Variants in PSD3 observed in about 807,000 individuals in gnomAD.
PSD3 encodes pleckstrin and Sec7 domain containing 3.
Under a neutral mutation model 105.5 loss-of-function variants are expected in PSD3, and 49 were observed. The ratio of observed to expected loss-of-function variants is 0.46; its 90% CI spans 0.37 to 0.59. PSD3 has a LOEUF of 0.59. Among genes scored for constraint, PSD3 ranks in the 20% least tolerant of loss-of-function variants. The probability of loss-of-function intolerance (pLI) is 0.00; values close to 1 mark genes in which losing one functional copy is unlikely to be tolerated. For missense variants in PSD3, 1,561 were observed against 1,263.8 expected, an observed-to-expected ratio of 1.24 and a Z score of -3.57; for synonymous variants, 557 against 457.8, an observed-to-expected ratio of 1.22 and a Z score of -2.77.
At chr8:18,700,868 C>T (rs551360548) in intron 9 of PSD3, among the ~76,000 whole-genome samples, 1 of 152,200 alleles carries the variant, frequency 6.6e-6, no homozygotes, top group African/African-American at 2.4e-5. Flanking sequence ...GGAAGAGTCA[C>T]TTTACATCTC....
intron 11 of PSD3, among the ~76,000 whole-genome samples, chr8:18,615,293 C>G (rs1028547777): frequency 1.3e-5 from 2 of 152,108 alleles, no homozygotes; most frequent in African/African-American, 4.8e-5. Flanking sequence ...CCTGCCAAAG[C>G]ACTCACCCAG....
intron 9 of PSD3, among the ~76,000 whole-genome samples, chr8:18,722,410 G>C (rs180956914): frequency 6.6e-6 from 1 of 152,250 alleles, no homozygotes; most frequent in Admixed American, 6.5e-5. Context: ...TTCCAGTGCA[G>C]TTGAAAACAC....
chr8:18,720,098 C>T (rs1802856777), intron 9 of PSD3, among the ~76,000 whole-genome samples: 1 of 152,074 alleles, frequency 6.6e-6, no homozygotes, highest in Non-Finnish European at 1.5e-5. Flanking sequence ...GGGACTACTG[C>T]CATTTCCAAT....
intron 1 of PSD3, among the ~76,000 whole-genome samples, chr8:18,955,690 G>T (rs919163741): frequency 6.6e-6 from 1 of 152,162 alleles, no homozygotes; most frequent in South Asian, 2.1e-4. Context: ...GGCTGTCCCA[G>T]GAGTGGACAG....
chr8:18,965,511 A>ATGCCCGGT (rs1240045174), intron 1 of PSD3, among the ~76,000 whole-genome samples: 3 of 152,234 alleles, frequency 2.0e-5, no homozygotes, highest in Non-Finnish European at 2.9e-5. Flanking sequence ...GAAAGGACCC[A>ATGCCCGGT]TGCCCGGTTG....
At chr8:18,604,364 T>C (rs565922898) in intron 11 of PSD3, among the ~76,000 whole-genome samples, 1 of 150,982 alleles carries the variant, frequency 6.6e-6, no homozygotes, top group South Asian at 2.1e-4. Context: ...GAGTGATGAT[T>C]TAGGGTATCT....
rs762821135 is a variant in PSD3 at position 18,631,456 on chromosome 8, C to T, written c.2410+1157G>A. On this transcript the variant is annotated intron_variant, in intron 11 of 15. Transcript: ENST00000327040. ...TCCTCTTTGGTGTCAAAATTAAACA[C>T]GTGATCTATAGCACTGCTAATAACC... Among the ~76,000 whole-genome samples, 178 of 152,070 alleles carry T rather than the reference C, an allele frequency of 1.2e-3. 1 individual carries two copies. Among genetic ancestry groups the T allele is most frequent in the African/African-American group, 4.2e-3 (173 of 41,536 alleles).
At chr8:18,946,220 A>T (rs1183697851) in intron 1 of PSD3, among the ~76,000 whole-genome samples, 2 of 152,116 alleles carry the variant, frequency 1.3e-5, no homozygotes, top group African/African-American at 4.8e-5. Context: ...CCATTCCCTC[A>T]GTTTATCTGG....
At chr8:18,764,138 A>T (rs533912289) in intron 9 of PSD3, among the ~76,000 whole-genome samples, 1 of 152,282 alleles carries the variant, frequency 6.6e-6, no homozygotes, top group South Asian at 2.1e-4. Flanking sequence ...ACTAAATTCT[A>T]AAAGCTTCAC....
At chr8:18,637,190 CT>C (rs1807318116) in intron 10 of PSD3, among the ~76,000 whole-genome samples, 1 of 152,158 alleles carries the variant, frequency 6.6e-6, no homozygotes. Context: ...GTGTACATTT[CT>C]TTTGTCTTAC....
At position 18,865,263 on chromosome 8, in the gene PSD3, TATATATATATA is replaced by T. The variant is rs1816800629; in HGVS notation, c.1634+2400_1634+2410del. On this transcript the variant is annotated intron_variant, in intron 4 of 15. Coordinates refer to ENST00000327040, the MANE Select transcript of PSD3 (RefSeq NM_015310.4). ...ATATATATATATATATATATATATA[TATATATATATA>T]TATATATATATATTTTTTTTTTTTT... 1.4e-3 allele frequency: 10 copies of T among 7,056 alleles called. 1 individual carries two copies. The highest frequency in any genetic ancestry group is 2.0e-3 in the Non-Finnish European group (8 of 4,040). 0.4% of individuals were successfully genotyped at this position (7,056 alleles called of 1,614,324 possible).
intron 11 of PSD3, among the ~76,000 whole-genome samples, chr8:18,625,674 G>A (rs1047691001): frequency 6.6e-6 from 1 of 152,098 alleles, no homozygotes; most frequent in African/African-American, 2.4e-5. Flanking sequence ...TTAACAATAT[G>A]CTACTATTAG....
chr8:18,554,074 C>T lies in PSD3; in HGVS notation c.2928+2135G>A, dbSNP rs113129332. Among the ~76,000 whole-genome samples the T allele has an allele frequency of 9.0e-3, 1,373 of 152,222 alleles. 6 individuals are homozygous for T. The highest frequency in any genetic ancestry group is 0.015 in the South Asian group (71 of 4,806). On this transcript the variant is annotated intron_variant, in intron 15 of 15. Transcript: ENST00000327040. ...GGTTACATTTTCAGAAAAGAGGTAGCGCTGTCGACTCAAAAGTAGGGAGGG... is the reference window on the plus strand; with the variant it reads ...GGTTACATTTTCAGAAAAGAGGTAGTGCTGTCGACTCAAAAGTAGGGAGGG...
chr8:18,997,124 G>A (rs1285515107), intron 1 of PSD3, among the ~76,000 whole-genome samples: 2 of 151,724 alleles, frequency 1.3e-5, no homozygotes, highest in Non-Finnish European at 1.5e-5. Context: ...TTCGCTCCCT[G>A]TGGATTTCAT....
At chr8:18,862,036 T>G (rs1030638738) in intron 4 of PSD3, among the ~76,000 whole-genome samples, 3 of 152,232 alleles carry the variant, frequency 2.0e-5, no homozygotes, top group Non-Finnish European at 4.4e-5. Context: ...GCAGGACTTC[T>G]GTCCATGGCC....
Position 18,804,588 on chromosome 8 carries a change from T to A in PSD3, c.1844A>T (p.Lys615Ile). Residue 615 changes from lysine to isoleucine, a missense_variant, in exon 6 of 16, where the codon AAA becomes ATA. Coordinates refer to ENST00000327040, the MANE Select transcript of PSD3 (RefSeq NM_015310.4). ...CTTCAGATATTCTTCTGCAACTAGT[T>A]TGCTAAATTCGTTGCTATAAGAAAA... ...KHLGKNNEFS[K>I]LVAEEYLKFF... 1.2e-6 allele frequency: 2 copies of A among 1,613,504 alleles called. No individual in the cohort carries two copies. Among genetic ancestry groups the A allele is most frequent in the Non-Finnish European group, 1.7e-6 (2 of 1,179,464 alleles).
chr8:18,878,617 T>C (rs767146023), intron 2 of PSD3, among the ~76,000 whole-genome samples: 4 of 152,170 alleles, frequency 2.6e-5, no homozygotes, highest in Non-Finnish European at 4.4e-5. Flanking sequence ...CTACCTGACA[T>C]ACTTTTTCTT....
chr8:19,084,064 C>T (rs563705872), intron 1 of PSD3: 83 of 343,212 alleles, frequency 2.4e-4, no homozygotes, highest in Non-Finnish European at 3.5e-4. Context: ...GGGAAGGCTG[C>T]GGCTCGTGGG....
chr8:18,555,752 G>A (rs1801028738), intron 15 of PSD3, among the ~76,000 whole-genome samples: 1 of 152,178 alleles, frequency 6.6e-6, no homozygotes, highest in South Asian at 2.1e-4. Context: ...AGGGCAGTGG[G>A]TGACAAGAAG....
Sources: allele counts gnomAD v4.1 joint callset (sites outside exome capture counted in the v4.1 genomes callset), GRCh38; gene constraint gnomAD v4.1.1; transcripts MANE v1.5; gene names NCBI Gene and HGNC (gene_info 2026-07-23, HGNC 2026-07-21).